SPON1: variants seen among roughly 807,000 people sequenced by gnomAD.
SPON1 encodes spondin-1.
In SPON1, 52 loss-of-function variants were observed where a neutral mutation model predicts 111.7. The observed-to-expected ratio is 0.47, with a 90% CI of 0.37 to 0.59. The LOEUF is 0.59. SPON1 is among the 20% of genes least tolerant of loss of function. The pLI is 0.00. For missense variants in SPON1, 957 were observed against 1,068.5 expected (o/e 0.90, Z 1.46); for synonymous variants, 410 against 395.8 (o/e 1.04, Z -0.43).
chr11:14,139,430 T>C (rs1591386341), intron 6 of SPON1, among the ~76,000 whole-genome samples: 1 of 152,354 alleles, frequency 6.6e-6, no homozygotes, highest in African/African-American at 2.4e-5. Context: ...ATTTCTTTGA[T>C]GTCTCTCCCT....
intron 2 of SPON1, among the ~76,000 whole-genome samples, chr11:13,990,154 T>A (rs2133786154): frequency 6.6e-6 from 1 of 152,190 alleles, no homozygotes; most frequent in South Asian, 2.1e-4. Flanking sequence ...GGTGTTAAAG[T>A]CTCCCGCTAT....
At chr11:13,968,937 CAA>C (rs1425506263) in intron 1 of SPON1, among the ~76,000 whole-genome samples, 30 of 152,232 alleles carry the variant, frequency 2.0e-4, no homozygotes, top group African/African-American at 6.7e-4. Context: ...AAAGATGAAA[CAA>C]AGTAAATTTC....
intron 2 of SPON1, among the ~76,000 whole-genome samples, chr11:14,026,878 T>G (rs61884834): frequency 7.5e-4 from 115 of 152,344 alleles, no homozygotes; most frequent in Admixed American, 1.6e-3. Context: ...TTCCCATTTT[T>G]GGCTCTTTTG....
intron 2 of SPON1, 111 bp from the exon 3 acceptor site, chr11:14,041,410 T>C: frequency 7.6e-7 from 1 of 1,311,186 alleles, no homozygotes; most frequent in Non-Finnish European, 1.1e-6. Flanking sequence ...ACAGAGTTGC[T>C]AACATAAAAT....
chr11:14,015,385 A>T (rs75847491), intron 2 of SPON1, among the ~76,000 whole-genome samples: 1 of 152,142 alleles, frequency 6.6e-6, no homozygotes, highest in Non-Finnish European at 1.5e-5. Flanking sequence ...AAGCAGTTTC[A>T]TCTCTTAAGA....
At chr11:14,263,012 G>A in intron 15 of SPON1, 37 bp downstream of exon 15, 1 of 1,602,054 alleles carries the variant, frequency 6.2e-7, no homozygotes, top group Middle Eastern at 1.9e-4. Flanking sequence ...TGGTCTCCAG[G>A]ACAGGCAGGG....
intron 6 of SPON1, among the ~76,000 whole-genome samples, chr11:14,216,979 A>G (rs1848632173): frequency 1.3e-5 from 2 of 152,264 alleles, no homozygotes; most frequent in African/African-American, 4.8e-5. Context: ...TGAGGCAGAT[A>G]TAGCAACAGC....
intron 6 of SPON1, among the ~76,000 whole-genome samples, chr11:14,234,272 C>T (rs10766177): frequency 0.43 from 64,842 of 152,034 alleles, 14,859 homozygotes; most frequent in Non-Finnish European, 0.51. Context: ...ACGTGATGTT[C>T]GAATACCTTC....
At chr11:14,080,235 C>CTT (rs11432678) in intron 5 of SPON1, among the ~76,000 whole-genome samples, 88 of 147,176 alleles carry the variant, frequency 6.0e-4, no homozygotes, top group South Asian at 1.9e-3. Flanking sequence ...TATTTTTTTT[C>CTT]TTTTTTTTTT....
At chr11:14,015,221 G>A (rs1554914184) in intron 2 of SPON1, among the ~76,000 whole-genome samples, 2 of 152,200 alleles carry the variant, frequency 1.3e-5, no homozygotes, top group Admixed American at 6.5e-5. Context: ...GAATAGAAAT[G>A]TATTTCTCAC....
chr11:14,144,201 C>T (rs1564914740), intron 6 of SPON1, among the ~76,000 whole-genome samples: 1 of 152,100 alleles, frequency 6.6e-6, no homozygotes, highest in Admixed American at 6.5e-5. Flanking sequence ...GACTTAGAAC[C>T]CTTTTTTCCT....
At chr11:14,181,269 A>ATGTCATT (rs1848232696) in intron 6 of SPON1, among the ~76,000 whole-genome samples, 1 of 152,228 alleles carries the variant, frequency 6.6e-6, no homozygotes, top group African/African-American at 2.4e-5. Context: ...GATGAAATAT[A>ATGTCATT]TGTCATTTCC....
At chr11:13,979,724 G>A (rs904312047) in intron 1 of SPON1, among the ~76,000 whole-genome samples, 2 of 152,230 alleles carry the variant, frequency 1.3e-5, no homozygotes, top group African/African-American at 4.8e-5. Flanking sequence ...AGCCACAGGG[G>A]CTGGCCACGG....
intron 2 of SPON1, among the ~76,000 whole-genome samples, chr11:14,012,670 C>A (rs1325366354): frequency 1.3e-5 from 2 of 152,188 alleles, no homozygotes; most frequent in Non-Finnish European, 2.9e-5. Context: ...CCTCCTCCCC[C>A]ATCCCAACAC....
chr11:14,190,969 G>GA (rs1449798686), intron 6 of SPON1, among the ~76,000 whole-genome samples: 2 of 151,186 alleles, frequency 1.3e-5, no homozygotes, highest in African/African-American at 4.9e-5. Context: ...AAATAATGCT[G>GA]AAAACAAAAA....
At chr11:14,041,703 TGTGATTGCAGG>T in intron 3 of SPON1, 49 bp downstream of exon 3, 1 of 1,591,476 alleles carries the variant, frequency 6.3e-7, no homozygotes, top group Admixed American at 1.8e-5. Flanking sequence ...GACTTTGTGG[TGTGATTGCAGG>T]GAAAAAAAAA....
At chr11:14,150,582 C>T (rs1847775127) in intron 6 of SPON1, among the ~76,000 whole-genome samples, 1 of 151,892 alleles carries the variant, frequency 6.6e-6, no homozygotes, top group Admixed American at 6.6e-5. Flanking sequence ...ATGTACAAAA[C>T]TATGTGTCAA....
chr11:14,241,956 C>A (rs979606831), intron 6 of SPON1, among the ~76,000 whole-genome samples: 2 of 152,026 alleles, frequency 1.3e-5, no homozygotes, highest in African/African-American at 4.8e-5. Context: ...GAGGAGGCTG[C>A]AAGCTTCCTG....
chr11:14,047,096 C>T (rs1231584107), intron 3 of SPON1, among the ~76,000 whole-genome samples: 1 of 152,096 alleles, frequency 6.6e-6, no homozygotes, highest in African/African-American at 2.4e-5. Flanking sequence ...CTTATTCTTT[C>T]ATTCTTTTGG....
Sources: gnomAD v4.1 joint callset for allele counts (sites outside exome capture counted in the v4.1 genomes callset) on GRCh38, gnomAD v4.1.1 for gene constraint, MANE v1.5 for transcripts, NCBI Gene and HGNC (gene_info 2026-07-23, HGNC 2026-07-21) for gene names.